The following NREP variants were observed in gnomAD, a reference collection of about 807,000 sequenced individuals.
The protein encoded by NREP is neuronal regeneration-related protein.
A neutral mutation model predicts 8.6 loss-of-function variants in NREP; 5 were observed. The ratio of observed to expected loss-of-function variants is 0.58; its 90% confidence interval spans 0.30 to 1.22. The LOEUF (loss-of-function observed/expected upper bound fraction) is 1.22, where lower values mean the gene tolerates loss of function less well. Among genes scored for constraint, NREP ranks in the 50% most tolerant of loss-of-function variants. NREP has a pLI of 0.07. For synonymous variants in NREP, 27 were observed against 28.0 expected (o/e 0.96, Z 0.11); for missense variants, 86 against 82.5 (o/e 1.04, Z -0.17).
At chr5:111,747,702 A>G (rs1009542193) in intron 2 of NREP, among the ~76,000 whole-genome samples, 1 of 152,150 alleles carries the variant, frequency 6.6e-6, no homozygotes, top group Non-Finnish European at 1.5e-5. Flanking sequence ...AAAGGGGCAG[A>G]CAGACCTTCC....
chr5:111,968,301 T>C (rs564699816), intron 2 of NREP, among the ~76,000 whole-genome samples: 2 of 152,296 alleles, frequency 1.3e-5, no homozygotes, highest in African/African-American at 2.4e-5. Context: ...GTTATGAAAA[T>C]TGGATTTACA....
chr5:111,753,830 A>C (rs1372007244), intron 2 of NREP, among the ~76,000 whole-genome samples: 3 of 152,108 alleles, frequency 2.0e-5, no homozygotes, highest in Non-Finnish European at 2.9e-5. Flanking sequence ...AAGAAAACTA[A>C]CTTGATTTTG....
intron 2 of NREP, among the ~76,000 whole-genome samples, chr5:111,951,675 A>G (rs1024175252): frequency 6.6e-6 from 1 of 152,108 alleles, no homozygotes; most frequent in Non-Finnish European, 1.5e-5. Context: ...AATATTCTCT[A>G]AAGTAATGTA....
intron 2 of NREP, among the ~76,000 whole-genome samples, chr5:111,879,143 C>A (rs1245548036): frequency 1.3e-5 from 2 of 152,182 alleles, no homozygotes; most frequent in African/African-American, 4.8e-5. Flanking sequence ...TCCCACCCCA[C>A]CTCTTGCTCC....
chr5:111,758,296 C>T (rs1750862948), upstream of NREP: 6 of 977,506 alleles, frequency 6.1e-6, no homozygotes, highest in East Asian at 1.1e-4. Context: ...CCAAGACATA[C>T]TCCCCTGGTG....
At chr5:111,820,656 A>C (rs1752495949) in intron 2 of NREP, among the ~76,000 whole-genome samples, 1 of 152,138 alleles carries the variant, frequency 6.6e-6, no homozygotes, top group South Asian at 2.1e-4. Context: ...GCTTTTCTAC[A>C]CATTTAAAAT....
At chr5:111,745,989 T>C (rs1003033606) in intron 2 of NREP, among the ~76,000 whole-genome samples, 1 of 152,180 alleles carries the variant, frequency 6.6e-6, no homozygotes, top group African/African-American at 2.4e-5. Flanking sequence ...TTAGGTATGC[T>C]GTATTTGATC....
intron 2 of NREP, among the ~76,000 whole-genome samples, chr5:111,779,368 C>G (rs993949099): frequency 5.3e-5 from 8 of 152,306 alleles, no homozygotes; most frequent in African/African-American, 1.4e-4. Flanking sequence ...CTGCTTTGTG[C>G]TTCTGTCTCT....
intron 2 of NREP, among the ~76,000 whole-genome samples, chr5:111,854,028 G>GTTTA (rs1334710695): frequency 6.6e-6 from 1 of 152,074 alleles, no homozygotes. Context: ...AACAGACTGT[G>GTTTA]TTTATATCTC....
At chr5:111,925,071 G>A (rs568120666) in intron 2 of NREP, among the ~76,000 whole-genome samples, 1 of 152,246 alleles carries the variant, frequency 6.6e-6, no homozygotes, top group East Asian at 1.9e-4. Flanking sequence ...TACGGGAAGA[G>A]GGGAAGCCTG....
intron 2 of NREP, among the ~76,000 whole-genome samples, chr5:111,872,129 G>T (rs192424835): frequency 3.3e-4 from 50 of 151,972 alleles, no homozygotes; most frequent in Admixed American, 1.9e-3. Context: ...GGTGATTATG[G>T]GGGCTGCAAG....
At chr5:111,857,848 A>G (rs1753458782) in intron 2 of NREP, among the ~76,000 whole-genome samples, 1 of 152,124 alleles carries the variant, frequency 6.6e-6, no homozygotes, top group Admixed American at 6.6e-5. Flanking sequence ...CAGAGAGAAA[A>G]TGAGTAGCTG....
At chr5:111,964,000 C>A (rs1430715681) in intron 2 of NREP, among the ~76,000 whole-genome samples, 1 of 152,176 alleles carries the variant, frequency 6.6e-6, no homozygotes, top group Non-Finnish European at 1.5e-5. Flanking sequence ...ATAATGCAAG[C>A]ACTTGTGAAA....
intron 2 of NREP, among the ~76,000 whole-genome samples, chr5:111,916,389 C>T (rs1755058386): frequency 6.6e-6 from 1 of 151,856 alleles, no homozygotes; most frequent in African/African-American, 2.4e-5. Context: ...ACCCTGGACC[C>T]CAGTCACTAT....
chr5:111,783,369 G>A (rs1326733003), intron 2 of NREP, among the ~76,000 whole-genome samples: 1 of 152,168 alleles, frequency 6.6e-6, no homozygotes, highest in African/African-American at 2.4e-5. Flanking sequence ...TATTCTATAT[G>A]TTGGGGAAAA....
At chr5:111,897,781 A>T (rs1754545829) in intron 2 of NREP, among the ~76,000 whole-genome samples, 1 of 152,118 alleles carries the variant, frequency 6.6e-6, no homozygotes, top group Non-Finnish European at 1.5e-5. Context: ...TACTAACAAA[A>T]TTTTTTTACT....
intron 2 of NREP, among the ~76,000 whole-genome samples, chr5:111,949,911 G>C (rs1222087329): frequency 6.6e-6 from 1 of 152,148 alleles, no homozygotes; most frequent in Non-Finnish European, 1.5e-5. Context: ...TGTCTTTATG[G>C]TAGAATGATT....
At chr5:111,737,759 A>C (rs1204724784) in intron 2 of NREP, among the ~76,000 whole-genome samples, 1 of 151,714 alleles carries the variant, frequency 6.6e-6, no homozygotes, top group Non-Finnish European at 1.5e-5. Flanking sequence ...AAAGCCAATG[A>C]CTTTTGCCAA....
At chr5:111,969,257 A>C (rs1756734063) in intron 2 of NREP, among the ~76,000 whole-genome samples, 1 of 152,250 alleles carries the variant, frequency 6.6e-6, no homozygotes, top group Non-Finnish European at 1.5e-5. Context: ...ACAGAAAGCA[A>C]ATACACTGAA....
Sources: allele counts gnomAD v4.1 joint callset (sites outside exome capture counted in the v4.1 genomes callset), GRCh38; gene constraint gnomAD v4.1.1; transcripts MANE v1.5; gene names NCBI Gene and HGNC (gene_info 2026-07-23, HGNC 2026-07-21).